The following PAG1 variants were observed in gnomAD, a reference collection of about 807,000 sequenced individuals.
PAG1 encodes phosphoprotein associated with glycosphingolipid-enriched microdomains 1.
PAG1 carries 23 observed loss-of-function variants against 31.7 expected under a neutral mutation model. The ratio of observed to expected loss-of-function variants is 0.73; its 90% CI spans 0.52 to 1.03. The LOEUF (loss-of-function observed/expected upper bound fraction) is 1.03, where lower values mean the gene tolerates loss of function less well. Among genes scored for constraint, PAG1 ranks in the 50% least tolerant of loss-of-function variants. The pLI, the probability that PAG1 is intolerant of heterozygous loss-of-function variation, is 0.00. For synonymous variants in PAG1, 214 were observed against 210.3 expected (o/e 1.02, Z -0.15); for missense variants, 473 against 540.7 (o/e 0.87, Z 1.24).
chr8:80,991,278 C>T (rs1178909529), intron 5 of PAG1, among the ~76,000 whole-genome samples: 2 of 152,284 alleles, frequency 1.3e-5, no homozygotes, highest in Admixed American at 6.5e-5. Flanking sequence ...AAAGTCCCAT[C>T]CCTGCAGTAG....
At chr8:81,099,676 A>C (rs79649708) in intron 1 of PAG1, among the ~76,000 whole-genome samples, 2,305 of 152,348 alleles carry the variant, frequency 0.015, 53 homozygotes, top group African/African-American at 0.051. Flanking sequence ...GACAGAAAAG[A>C]AAGCAAGCAA....
At chr8:81,059,723 T>C (rs1049890650) in intron 2 of PAG1, among the ~76,000 whole-genome samples, 2 of 152,196 alleles carry the variant, frequency 1.3e-5, no homozygotes, top group African/African-American at 4.8e-5. Flanking sequence ...TTATCTTGCT[T>C]TAAAAGCCTA....
At chr8:80,996,734 T>C (rs963836880) in intron 3 of PAG1, among the ~76,000 whole-genome samples, 2 of 152,148 alleles carry the variant, frequency 1.3e-5, no homozygotes, top group Non-Finnish European at 2.9e-5. Context: ...GGCTGGACCC[T>C]CATGTGTCGG....
intron 2 of PAG1, among the ~76,000 whole-genome samples, chr8:81,056,939 C>T (rs1808833717): frequency 6.6e-6 from 1 of 152,202 alleles, no homozygotes; most frequent in Non-Finnish European, 1.5e-5. Flanking sequence ...CAAAAGAAGA[C>T]ATTTATGCAG....
chr8:80,989,135 T>C (rs1276170336), intron 5 of PAG1, among the ~76,000 whole-genome samples: 1 of 152,226 alleles, frequency 6.6e-6, no homozygotes, highest in Non-Finnish European at 1.5e-5. Flanking sequence ...CAGCAGATAG[T>C]TCATGCTGTG....
At position 80,991,466 on chromosome 8, in the gene PAG1, C is replaced by T. The variant is rs1340187195; in HGVS notation, c.177+13G>A. On this transcript the variant is annotated intron_variant, in intron 5 of 8. Coordinates refer to ENST00000220597, the MANE Select transcript of PAG1 (RefSeq NM_018440.4). ...CGCACGGACAGACAGGCAGACGACA[C>T]GCGCAGGCTCACCACGTTCATCAGG... is the stretch of plus-strand genomic sequence containing the variant. The T allele has an allele frequency of 5.0e-6, 8 of 1,606,892 alleles. No homozygotes were observed. Among genetic ancestry groups the T allele is most frequent in the East Asian group, 2.2e-5 (1 of 44,838 alleles).
intron 3 of PAG1, among the ~76,000 whole-genome samples, chr8:81,004,502 C>T (rs16908318): frequency 6.6e-6 from 1 of 152,148 alleles, no homozygotes; most frequent in Non-Finnish European, 1.5e-5. Flanking sequence ...CTTCTAATCA[C>T]ACCATGAATA....
intron 1 of PAG1, among the ~76,000 whole-genome samples, chr8:81,070,657 C>CA (rs761038068): frequency 2.0e-4 from 29 of 142,020 alleles, no homozygotes; most frequent in East Asian, 7.9e-4. Context: ...CTTTTCAGCA[C>CA]AAAAAAAAAA....
At chr8:81,068,086 G>A (rs1042518074) in intron 2 of PAG1, among the ~76,000 whole-genome samples, 13 of 152,120 alleles carry the variant, frequency 8.5e-5, no homozygotes, top group Admixed American at 2.6e-4. Context: ...TAGTAAAGAC[G>A]GGGTTTCACC....
Position 80,976,378 on chromosome 8 carries a change from G to T in PAG1, c.*166C>A. ...GGTGCAGCCTAGTCCGTACCTCTCT[G>T]TCTCAGAAACTGAACAACTGGGAGA... On this transcript the variant is annotated 3_prime_UTR_variant, in exon 9 of 9. Coordinates refer to ENST00000220597, the MANE Select transcript of PAG1 (RefSeq NM_018440.4). 1.5e-6 allele frequency: 1 copy of T among 682,644 alleles called. No homozygotes were observed. The highest frequency in any genetic ancestry group is 3.0e-5 in the Admixed American group (1 of 33,634). 42.3% of individuals were successfully genotyped at this position (682,644 alleles called of 1,614,324 possible).
chr8:81,079,443 G>A (rs1364312818), intron 1 of PAG1, among the ~76,000 whole-genome samples: 1 of 152,098 alleles, frequency 6.6e-6, no homozygotes, highest in East Asian at 1.9e-4. Flanking sequence ...TTCACTTCTG[G>A]ATGTCTACTC....
intron 1 of PAG1, among the ~76,000 whole-genome samples, chr8:81,079,309 G>C (rs1245241286): frequency 6.6e-6 from 1 of 152,038 alleles, no homozygotes; most frequent in African/African-American, 2.4e-5. Flanking sequence ...GCAGCCTCCA[G>C]TCATCTACTC....
Position 80,991,534 on chromosome 8 carries a change from A to G in PAG1, c.126-4T>C. 6.2e-7 allele frequency: 1 copy of G among 1,611,052 alleles called. No individual in the cohort carries two copies. The highest frequency in any genetic ancestry group is 8.5e-7 in the Non-Finnish European group (1 of 1,177,160). On this transcript the variant is annotated splice_polypyrimidine_tract_variant and splice_region_variant and intron_variant, in intron 4 of 8. Transcript: ENST00000220597. ...ATGCTGTCGCGGCTTCTTTTCCCTG[A>G]AATGAAAAGTGAAATGTTGTAATGT... is the stretch of plus-strand genomic sequence containing the variant.
chr8:81,016,402 T>C (rs1359305064), intron 3 of PAG1, among the ~76,000 whole-genome samples: 1 of 152,228 alleles, frequency 6.6e-6, no homozygotes, highest in East Asian at 1.9e-4. Context: ...CACTGCCCTT[T>C]GATGTAAATG....
At chr8:81,091,843 G>GAAA (rs900140184) in intron 1 of PAG1, among the ~76,000 whole-genome samples, 1 of 140,942 alleles carries the variant, frequency 7.1e-6, no homozygotes. Context: ...AGAAGAAGAA[G>GAAA]AAAAAAAAAC....
At chr8:81,092,249 G>C (rs1275609156) in intron 1 of PAG1, among the ~76,000 whole-genome samples, 1 of 151,586 alleles carries the variant, frequency 6.6e-6, no homozygotes, top group Non-Finnish European at 1.5e-5. Flanking sequence ...TGGGCATGGT[G>C]GTGTGCACCT....
chr8:81,049,675 C>T (rs1200464827), intron 2 of PAG1, among the ~76,000 whole-genome samples: 1 of 152,154 alleles, frequency 6.6e-6, no homozygotes, highest in East Asian at 1.9e-4. Flanking sequence ...AATAATAATG[C>T]TAGAAAGGAT....
chr8:81,033,944 G>A (rs747152479), intron 2 of PAG1, among the ~76,000 whole-genome samples: 1 of 152,212 alleles, frequency 6.6e-6, no homozygotes, highest in Non-Finnish European at 1.5e-5. Context: ...TAATGATGTT[G>A]AGAGTGTATC....
chr8:81,020,978 A>G (rs1013068112), intron 3 of PAG1, among the ~76,000 whole-genome samples: 2 of 152,246 alleles, frequency 1.3e-5, no homozygotes, highest in African/African-American at 4.8e-5. Flanking sequence ...GAAAGGTTAA[A>G]TAAGTCAAAC....
Sources: allele counts gnomAD v4.1 joint callset (sites outside exome capture counted in the v4.1 genomes callset), GRCh38; gene constraint gnomAD v4.1.1; transcripts MANE v1.5; gene names NCBI Gene and HGNC (gene_info 2026-07-23, HGNC 2026-07-21).